Variants in TBC1D19 observed in about 807,000 individuals in gnomAD.
TBC1D19 encodes the protein TBC1 domain family member 19.
A neutral mutation model predicts 89.0 loss-of-function variants in TBC1D19; 60 were observed. The observed-to-expected ratio is 0.67, with a 90% CI of 0.55 to 0.84. TBC1D19 has a LOEUF of 0.84. Ranked by LOEUF, TBC1D19 falls within the 40% of genes least tolerant of loss-of-function variation. The probability of loss-of-function intolerance (pLI) is 0.00; values close to 1 mark genes in which losing one functional copy is unlikely to be tolerated. For synonymous variants in TBC1D19, 189 were observed against 199.7 expected, an observed-to-expected ratio of 0.95 and a Z score of 0.45; for missense variants, 500 against 610.8, an observed-to-expected ratio of 0.82 and a Z score of 1.91.
At chr4:26,839,814 G>A in the TBC1D19 span, among the ~76,000 whole-genome samples, 3 of 152,088 alleles carry the variant, frequency 2.0e-5, no homozygotes, top group South Asian at 2.1e-4. Flanking sequence ...ATGCAGACCC[G>A]AGGCTCCAAA....
At position 26,620,562 on chromosome 4, in the gene TBC1D19, T is replaced by A. The variant is rs370527542; in HGVS notation, c.219-51T>A. 4 of 1,496,606 alleles carry A rather than the reference T, an allele frequency of 2.7e-6. No homozygotes were observed. In the African/African-American group the frequency reaches 4.2e-5, roughly 16 times the overall value. 92.7% of individuals were successfully genotyped at this position (1,496,606 alleles called of 1,614,324 possible). The stretch of plus-strand genomic sequence containing the variant: ...ACATGGACTACAGAGGTAAGTAATA[T>A]CTAACCAAGAGAATAATGTGTGATA... On this transcript the variant is annotated intron_variant, in intron 3 of 20. Coordinates refer to ENST00000264866, the MANE Select transcript of TBC1D19 (RefSeq NM_018317.4).
At chr4:26,780,710 C>T in the TBC1D19 span, among the ~76,000 whole-genome samples, 1 of 152,202 alleles carries the variant, frequency 6.6e-6, no homozygotes, top group East Asian at 1.9e-4. Flanking sequence ...TTGCCCCAGC[C>T]TTGTAACACC....
At chr4:26,767,951 AC>A in the TBC1D19 span, among the ~76,000 whole-genome samples, 1 of 152,126 alleles carries the variant, frequency 6.6e-6, no homozygotes, top group East Asian at 1.9e-4. Flanking sequence ...CCCAGGAGGA[AC>A]CTGGATTTCT....
intron 1 of TBC1D19, among the ~76,000 whole-genome samples, chr4:26,610,435 T>G (rs562831886): frequency 6.6e-6 from 1 of 150,988 alleles, no homozygotes; most frequent in Admixed American, 6.6e-5. Context: ...TTTTTTTAGC[T>G]GTTCTGTTAG....
chr4:26,786,001 CTCAAGG>C, the TBC1D19 span, among the ~76,000 whole-genome samples: 2 of 152,190 alleles, frequency 1.3e-5, no homozygotes, highest in Non-Finnish European at 2.9e-5. Flanking sequence ...TGATTACAAT[CTCAAGG>C]CTAAAGCTCC....
At chr4:26,714,305 C>T (rs969797336) in intron 13 of TBC1D19, among the ~76,000 whole-genome samples, 1 of 151,944 alleles carries the variant, frequency 6.6e-6, no homozygotes, top group Non-Finnish European at 1.5e-5. Context: ...TACATGTGCA[C>T]AACGTGCAGG....
At chr4:26,753,355 C>T (rs1217102402) in intron 19 of TBC1D19, among the ~76,000 whole-genome samples, 1 of 152,026 alleles carries the variant, frequency 6.6e-6, no homozygotes, top group African/African-American at 2.4e-5. Context: ...TTAGGCCAGG[C>T]GTAGTGGCTC....
intron 13 of TBC1D19, among the ~76,000 whole-genome samples, chr4:26,697,540 C>A (rs989630855): frequency 6.6e-6 from 1 of 152,134 alleles, no homozygotes; most frequent in Non-Finnish European, 1.5e-5. Flanking sequence ...GATACCAAAG[C>A]CTGGCAGAGA....
At chr4:26,667,049 A>G (rs1017175084) in intron 9 of TBC1D19, among the ~76,000 whole-genome samples, 2 of 151,890 alleles carry the variant, frequency 1.3e-5, no homozygotes, top group Admixed American at 6.6e-5. Context: ...TTCTTCCTCT[A>G]TAAAATAAAT....
At chr4:26,751,314 C>G (rs1240991680) in intron 19 of TBC1D19, among the ~76,000 whole-genome samples, 1 of 152,166 alleles carries the variant, frequency 6.6e-6, no homozygotes, top group Non-Finnish European at 1.5e-5. Context: ...GTGTAAAACT[C>G]TTTCCTGCTG....
intron 18 of TBC1D19, among the ~76,000 whole-genome samples, chr4:26,746,343 G>C (rs1718647010): frequency 6.6e-6 from 1 of 151,490 alleles, no homozygotes; most frequent in Non-Finnish European, 1.5e-5. Context: ...AAAGCACTGG[G>C]ATTACAGCCA....
chr4:26,585,976 T>C (rs1739388061), intron 1 of TBC1D19, among the ~76,000 whole-genome samples: 1 of 152,160 alleles, frequency 6.6e-6, no homozygotes, highest in Admixed American at 6.5e-5. Flanking sequence ...TCAATTGTTT[T>C]ATGATTTGTG....
intron 19 of TBC1D19, 27 bp from the exon 20 acceptor site, chr4:26,753,793 G>C: frequency 1.2e-6 from 2 of 1,613,664 alleles, no homozygotes; most frequent in Non-Finnish European, 1.7e-6. Context: ...TAGGCCAGCA[G>C]TTGAAGTAGT....
At position 26,578,106 on chromosome 4, in the gene TBC1D19, G is replaced by A. The variant is rs557582240; in HGVS notation, c.6+1309G>A. Among the ~76,000 whole-genome samples the A allele has an allele frequency of 4.6e-5, 7 of 152,236 alleles. No individual in the cohort carries two copies. In the South Asian group the frequency reaches 1.0e-3, roughly 23 times the overall value. Reference sequence around the variant, plus strand: ...CATGGTCTTGCTCTGTCCACTACACGGAGTTTGTTTCAGGATTAAGTCTTG... The same window carrying A: ...CATGGTCTTGCTCTGTCCACTACACAGAGTTTGTTTCAGGATTAAGTCTTG... On this transcript the variant is annotated intron_variant, in intron 1 of 12. Transcript: ENST00000512840.
At chr4:26,752,982 G>A (rs963741354) in intron 19 of TBC1D19, among the ~76,000 whole-genome samples, 6 of 152,008 alleles carry the variant, frequency 3.9e-5, no homozygotes, top group African/African-American at 1.2e-4. Context: ...TCTACTTAAT[G>A]TATATTATTG....
the TBC1D19 span, among the ~76,000 whole-genome samples, chr4:26,813,263 GA>G: frequency 6.9e-3 from 1,033 of 150,560 alleles, 23 homozygotes; most frequent in African/African-American, 0.024. Flanking sequence ...ACAAACAAAC[GA>G]AAAAAAAGAA....
At chr4:26,612,849 A>T (rs1286518886) in intron 1 of TBC1D19, among the ~76,000 whole-genome samples, 1 of 152,074 alleles carries the variant, frequency 6.6e-6, no homozygotes, top group African/African-American at 2.4e-5. Flanking sequence ...AAGGCAATGA[A>T]TTTATAAAAT....
rs140431686 is a variant in TBC1D19 at position 26,747,650 on chromosome 4, A to G, written c.1320-761A>G. Among the ~76,000 whole-genome samples, 23 of 152,336 alleles carry G rather than the reference A, an allele frequency of 1.5e-4. No individual in the cohort carries two copies. In the East Asian group the frequency reaches 4.0e-3, roughly 27 times the overall value. ...GACAGTCAAGTGATATTAGATGCTAATAGATAATACAGAAATATGAAGAAC... is the reference window on the plus strand; with the variant it reads ...GACAGTCAAGTGATATTAGATGCTAGTAGATAATACAGAAATATGAAGAAC... On this transcript the variant is annotated intron_variant, in intron 18 of 20. Transcript: ENST00000264866.
At chr4:26,604,153 T>TC (rs200878885) in intron 1 of TBC1D19, among the ~76,000 whole-genome samples, 639 of 127,966 alleles carry the variant, frequency 5.0e-3, no homozygotes, top group Non-Finnish European at 6.8e-3. Context: ...TTTTTCTTTT[T>TC]TTTTTTTTTT....
Sources: gnomAD v4.1 joint callset for allele counts (sites outside exome capture counted in the v4.1 genomes callset) on GRCh38, gnomAD v4.1.1 for gene constraint, MANE v1.5 for transcripts, NCBI Gene and HGNC (gene_info 2026-07-23, HGNC 2026-07-21) for gene names.